CDH8: variants seen among roughly 807,000 people sequenced by gnomAD.
CDH8 encodes cadherin 8, also known as cadherin-8.
CDH8 carries 17 observed loss-of-function variants against 68.1 expected under a neutral mutation model. The ratio of observed to expected loss-of-function variants is 0.25; its 90% CI spans 0.17 to 0.37. The LOEUF (loss-of-function observed/expected upper bound fraction) is 0.37. CDH8 is among the 10% of genes least tolerant of loss of function. CDH8 has a pLI of 1.00. For synonymous variants in CDH8, 372 were observed against 365.1 expected (o/e 1.02, Z -0.21); for missense variants, 763 against 999.3 (o/e 0.76, Z 3.19).
At chr16:61,871,201 A>G (rs963292290) in intron 3 of CDH8, among the ~76,000 whole-genome samples, 2 of 151,910 alleles carry the variant, frequency 1.3e-5, no homozygotes, top group African/African-American at 4.8e-5. Flanking sequence ...CCTTTTTTTG[A>G]GACAGGATCT....
At chr16:61,657,535 G>A (rs1410719211) in intron 10 of CDH8, among the ~76,000 whole-genome samples, 1 of 152,010 alleles carries the variant, frequency 6.6e-6, no homozygotes, top group Admixed American at 6.6e-5. Context: ...TCATGACCTA[G>A]ATGGAAATAC....
intron 3 of CDH8, among the ~76,000 whole-genome samples, chr16:61,862,552 A>G (rs1310571908): frequency 1.3e-5 from 2 of 152,140 alleles, no homozygotes; most frequent in African/African-American, 4.8e-5. Context: ...AAAAGGCAGC[A>G]CTACTTTCCG....
At position 61,686,611 on chromosome 16, in the gene CDH8, T is replaced by C. The variant is rs148792415; in HGVS notation, c.1654+27230A>G. On this transcript the variant is annotated intron_variant, in intron 10 of 11. Coordinates refer to ENST00000577390, the MANE Select transcript of CDH8 (RefSeq NM_001796.5). The stretch of plus-strand genomic sequence containing the variant: ...GTCTGTCGCTGTCTTCTACAGGCTT[T>C]TAAGTTCTCTGCAGAAAGATCAAAT... Among the ~76,000 whole-genome samples the C allele has an allele frequency of 2.5e-4, 38 of 152,106 alleles. 1 individual carries two copies. In the Middle Eastern group the frequency reaches 0.024, roughly 95 times the overall value.
At chr16:61,659,323 T>A (rs546697329) in intron 10 of CDH8, among the ~76,000 whole-genome samples, 1 of 152,256 alleles carries the variant, frequency 6.6e-6, no homozygotes, top group Admixed American at 6.5e-5. Flanking sequence ...AAGAACCCAC[T>A]CCCATCCTTC....
intron 4 of CDH8, among the ~76,000 whole-genome samples, chr16:61,839,479 A>G (rs551717671): frequency 1.4e-4 from 21 of 152,294 alleles, no homozygotes; most frequent in African/African-American, 4.6e-4. Context: ...TTTCCATTTC[A>G]ATTGTGAGTG....
intron 2 of CDH8, among the ~76,000 whole-genome samples, chr16:61,935,122 G>T (rs2143503943): frequency 6.6e-6 from 1 of 152,290 alleles, no homozygotes; most frequent in East Asian, 1.9e-4. Flanking sequence ...CATTATTGAT[G>T]ATAATACTCC....
At chr16:61,875,886 T>G (rs758417111) in intron 3 of CDH8, among the ~76,000 whole-genome samples, 24 of 152,224 alleles carry the variant, frequency 1.6e-4, no homozygotes, top group Non-Finnish European at 2.2e-4. Context: ...TCCCTGCCCC[T>G]CCACCCCCAA....
At position 61,703,469 on chromosome 16, in the gene CDH8, T is replaced by G. The variant is rs114358366; in HGVS notation, c.1654+10372A>C. ...TTTAAAACAAAGGCAAGTTTCACAT[T>G]GACTCACAATATATGTTTCAAAACA... On this transcript the variant is annotated intron_variant, in intron 10 of 11. Coordinates refer to ENST00000577390, the MANE Select transcript of CDH8 (RefSeq NM_001796.5). Among the ~76,000 whole-genome samples, 321 of 152,320 alleles carry G rather than the reference T, an allele frequency of 2.1e-3. 1 individual carries two copies. Among genetic ancestry groups the G allele is most frequent in the African/African-American group, 7.5e-3 (313 of 41,586 alleles).
intron 4 of CDH8, among the ~76,000 whole-genome samples, chr16:61,842,684 T>G (rs1042718012): frequency 1.3e-5 from 2 of 152,182 alleles, no homozygotes; most frequent in Non-Finnish European, 2.9e-5. Context: ...TTCCTGCCTC[T>G]TCACCTCTAA....
chr16:61,799,152 G>C (rs577552265), intron 7 of CDH8, among the ~76,000 whole-genome samples: 4 of 152,132 alleles, frequency 2.6e-5, no homozygotes, highest in Admixed American at 6.5e-5. Context: ...ACCCAGCAAT[G>C]CCAGGGGCAA....
chr16:61,719,226 C>G (rs1959200101), intron 9 of CDH8, among the ~76,000 whole-genome samples: 1 of 150,516 alleles, frequency 6.6e-6, no homozygotes, highest in African/African-American at 2.4e-5. Context: ...GGAAATACAG[C>G]AGGAGGAAGT....
At chr16:61,936,540 T>C (rs1238197277) in intron 2 of CDH8, among the ~76,000 whole-genome samples, 1 of 152,152 alleles carries the variant, frequency 6.6e-6, no homozygotes, top group African/African-American at 2.4e-5. Flanking sequence ...AAGAGCAATG[T>C]GAGAAGTCAC....
chr16:61,790,881 A>G (rs564081035), intron 7 of CDH8, among the ~76,000 whole-genome samples: 1 of 152,062 alleles, frequency 6.6e-6, no homozygotes, highest in South Asian at 2.1e-4. Context: ...GTATAGATAG[A>G]TATATTAATG....
intron 9 of CDH8, chr16:61,726,089 T>G (rs533691799): frequency 1.3e-5 from 2 of 150,818 alleles, no homozygotes; most frequent in South Asian, 2.1e-4. Context: ...ATCTGACTCT[T>G]GTCAGGTAAG....
intron 3 of CDH8, among the ~76,000 whole-genome samples, chr16:61,868,422 A>G (rs1266205328): frequency 6.6e-6 from 1 of 152,140 alleles, no homozygotes; most frequent in Non-Finnish European, 1.5e-5. Context: ...TGTTATGTCT[A>G]CTGTTTTGTC....
intron 4 of CDH8, among the ~76,000 whole-genome samples, chr16:61,838,824 G>A (rs186710351): frequency 4.6e-5 from 7 of 152,254 alleles, no homozygotes; most frequent in Admixed American, 4.6e-4. Context: ...TGACATTTAT[G>A]TTTTGAGTAA....
At chr16:61,903,849 A>G (rs1002627449) in intron 2 of CDH8, among the ~76,000 whole-genome samples, 1 of 152,188 alleles carries the variant, frequency 6.6e-6, no homozygotes, top group African/African-American at 2.4e-5. Context: ...ACATTCAGTC[A>G]TATGCAACTA....
intron 2 of CDH8, among the ~76,000 whole-genome samples, chr16:61,932,975 A>C (rs1454641348): frequency 1.3e-5 from 2 of 152,178 alleles, no homozygotes; most frequent in Admixed American, 6.5e-5. Context: ...CACTTTGAGA[A>C]GCAATGCAGA....
intron 1 of CDH8, among the ~76,000 whole-genome samples, chr16:62,024,276 G>C (rs1449826175): frequency 6.6e-6 from 1 of 152,014 alleles, no homozygotes; most frequent in Non-Finnish European, 1.5e-5. Flanking sequence ...AACAACAATA[G>C]CAATGAAACA....
Sources: allele counts gnomAD v4.1 joint callset (sites outside exome capture counted in the v4.1 genomes callset), GRCh38; gene constraint gnomAD v4.1.1; transcripts MANE v1.5; gene names NCBI Gene and HGNC (gene_info 2026-07-23, HGNC 2026-07-21).